MTMR12: variants seen among roughly 807,000 people sequenced by gnomAD.
MTMR12 encodes the protein myotubularin related protein 12.
In MTMR12, 33 loss-of-function variants were observed where a neutral mutation model predicts 96.7. The observed-to-expected ratio is 0.34, with a 90% CI of 0.26 to 0.46. The LOEUF is 0.46. Ranked by LOEUF, MTMR12 falls within the 20% of genes least tolerant of loss-of-function variation. The probability of loss-of-function intolerance (pLI) is 1.00; values close to 1 mark genes in which losing one functional copy is unlikely to be tolerated. For synonymous variants in MTMR12, 298 were observed against 327.2 expected (o/e 0.91, Z 0.96); for missense variants, 721 against 896.1 (o/e 0.80, Z 2.49).
At position 32,264,694 on chromosome 5, in the gene MTMR12, C is replaced by A. The variant is rs142227048; in HGVS notation, c.584-1452G>T. ...CAGGCTGGTCTTGAACTCCTGACCTCATGATCCACCCACCTCGGCCTCCCA... is the reference window on the plus strand; with the variant it reads ...CAGGCTGGTCTTGAACTCCTGACCTAATGATCCACCCACCTCGGCCTCCCA... On this transcript the variant is annotated intron_variant, in intron 6 of 15. Transcript: ENST00000382142. 5.3e-3 allele frequency among the ~76,000 whole-genome samples: 801 copies of A among 152,208 alleles called. 2 individuals carry two copies. Among genetic ancestry groups the A allele is most frequent in the African/African-American group, 0.018 (767 of 41,542 alleles).
chr5:32,296,479 CA>C, intron 1 of MTMR12: 34 of 364,120 alleles, frequency 9.3e-5, no homozygotes, highest in East Asian at 2.1e-4. Context: ...ACCTTGTCTC[CA>C]AAAAAAGAAA....
Position 32,229,635 on chromosome 5 carries a change from C to G in MTMR12, c.*143G>C. On this transcript the variant is annotated 3_prime_UTR_variant, in exon 16 of 16. Transcript: ENST00000382142. The stretch of plus-strand genomic sequence containing the variant: ...GAATCATGAAAAATAATGAGAGCCA[C>G]CTCTTTTCCCGAAGGCCCAGGTTTA... The G allele has an allele frequency of 1.5e-6, 1 of 646,176 alleles. No homozygotes were observed. Among genetic ancestry groups the G allele is most frequent in the Non-Finnish European group, 2.4e-6 (1 of 422,570 alleles). 40.0% of individuals were successfully genotyped at this position (646,176 alleles called of 1,614,324 possible). A position where few individuals can be genotyped will look rare whatever the true frequency, so the allele number is the denominator to read the frequency against.
intron 1 of MTMR12, among the ~76,000 whole-genome samples, chr5:32,289,117 G>A (rs1750651382): frequency 6.6e-6 from 1 of 152,208 alleles, no homozygotes; most frequent in African/African-American, 2.4e-5. Flanking sequence ...TCAAAGACAA[G>A]GTGTTCGTAG....
intron 1 of MTMR12, chr5:32,296,527 AT>A (rs1162965184): frequency 6.2e-6 from 2 of 324,336 alleles, no homozygotes. Context: ...GGGCATGGCG[AT>A]TTACACTTTG....
rs574736928 is a variant in MTMR12 at position 32,256,348 on chromosome 5, A to G, written c.714-580T>C. 2.0e-5 allele frequency among the ~76,000 whole-genome samples: 3 copies of G among 152,314 alleles called. No individual in the cohort carries two copies. In the South Asian group the frequency reaches 6.2e-4, roughly 32 times the overall value. On this transcript the variant is annotated intron_variant, in intron 7 of 15. Transcript: ENST00000382142. ...TCCCAACAATTCTATGAGATATGTA[A>G]TATTATTTCCATCTTACAGATAAAG...
intron 12 of MTMR12, among the ~76,000 whole-genome samples, chr5:32,239,884 T>G (rs750556793): frequency 6.6e-6 from 1 of 152,138 alleles, no homozygotes; most frequent in African/African-American, 2.4e-5. Context: ...CAAAACTCAT[T>G]TGATGAAAAG....
chr5:32,270,975 G>A (rs1039561581), intron 4 of MTMR12, 28 bp from the exon 5 acceptor site: 1 of 1,593,506 alleles, frequency 6.3e-7, no homozygotes, highest in Non-Finnish European at 8.5e-7. Flanking sequence ...AATCAGGAAG[G>A]GAAATTATGT....
Position 32,288,990 on chromosome 5 carries a change from TTGTCTC to T in MTMR12, c.82-12254_82-12249del, listed in dbSNP as rs553597805. Among the ~76,000 whole-genome samples the T allele has an allele frequency of 1.5e-3, 222 of 152,330 alleles. 2 individuals are homozygous for T. Among genetic ancestry groups the T allele is most frequent in the African/African-American group, 4.8e-3 (199 of 41,580 alleles). ...CATCTTTGAAGAGCCCTGTAATTGC[TTGTCTC>T]TGTATGTCAAATCTAACAGTGGGAA... On this transcript the variant is annotated intron_variant, in intron 1 of 15. Coordinates refer to ENST00000382142, the MANE Select transcript of MTMR12 (RefSeq NM_001040446.3).
chr5:32,247,949 T>A, intron 10 of MTMR12, 53 bp downstream of exon 10: 1 of 1,590,148 alleles, frequency 6.3e-7, no homozygotes, highest in Non-Finnish European at 8.6e-7. Flanking sequence ...CTGATCTGCA[T>A]GGCATGTCTT....
chr5:32,284,792 A>C (rs908802669), intron 1 of MTMR12, among the ~76,000 whole-genome samples: 15 of 152,236 alleles, frequency 9.9e-5, no homozygotes, highest in Admixed American at 3.3e-4. Context: ...GAAAAGGTAT[A>C]GTTCTTTAAT....
At chr5:32,292,315 T>TGGCACC (rs1186540966) in intron 1 of MTMR12, among the ~76,000 whole-genome samples, 1 of 152,150 alleles carries the variant, frequency 6.6e-6, no homozygotes, top group Non-Finnish European at 1.5e-5. Context: ...GAAGTGGAAG[T>TGGCACC]GGCACCACTC....
At chr5:32,246,555 G>A (rs758250712) in intron 10 of MTMR12, among the ~76,000 whole-genome samples, 8 of 152,176 alleles carry the variant, frequency 5.3e-5, no homozygotes, top group East Asian at 3.9e-4. Flanking sequence ...TTCTGCTGTC[G>A]GTCCTCTTCA....
intron 10 of MTMR12, among the ~76,000 whole-genome samples, chr5:32,244,554 G>A (rs993635396): frequency 6.6e-6 from 1 of 152,092 alleles, no homozygotes; most frequent in Non-Finnish European, 1.5e-5. Context: ...TCGCACCATT[G>A]CACTCCAGCC....
At chr5:32,284,870 A>G (rs1162249109) in intron 1 of MTMR12, among the ~76,000 whole-genome samples, 3 of 152,250 alleles carry the variant, frequency 2.0e-5, no homozygotes, top group Non-Finnish European at 4.4e-5. Context: ...TCTGAAAATT[A>G]TGGAAATTTT....
Position 32,228,912 on chromosome 5 carries a change from C to T in MTMR12, c.*866G>A, listed in dbSNP as rs540752525. On this transcript the variant is annotated 3_prime_UTR_variant, in exon 16 of 16. Coordinates refer to ENST00000382142, the MANE Select transcript of MTMR12 (RefSeq NM_001040446.3). The stretch of plus-strand genomic sequence containing the variant: ...GCTTCAGCAGGCAAGTAGAAAAAGG[C>T]GAAGCGATTTGTTCCAAACAAGGAG... 2.0e-5 allele frequency: 3 copies of T among 151,828 alleles called. No individual in the cohort carries two copies. Among genetic ancestry groups the T allele is most frequent in the Admixed American group, 1.3e-4 (2 of 15,188 alleles). 9.4% of individuals were successfully genotyped at this position (151,828 alleles called of 1,614,324 possible). A position where few individuals can be genotyped will look rare whatever the true frequency, so the allele number is the denominator to read the frequency against.
chr5:32,263,388 C>T, intron 6 of MTMR12, 146 bp from the exon 7 acceptor site: 1 of 964,004 alleles, frequency 1.0e-6, no homozygotes, highest in Non-Finnish European at 1.5e-6. Context: ...TAATCCTAAC[C>T]TTGTTCCATT....
intron 3 of MTMR12, 60 bp downstream of exon 3, chr5:32,273,920 A>G: frequency 6.2e-7 from 1 of 1,601,132 alleles, no homozygotes; most frequent in South Asian, 1.1e-5. Flanking sequence ...GGAAAAAAAG[A>G]CAACGGAACC....
intron 7 of MTMR12, among the ~76,000 whole-genome samples, chr5:32,260,403 GAAAC>G (rs1561768429): frequency 6.6e-6 from 1 of 151,666 alleles, no homozygotes; most frequent in African/African-American, 2.4e-5. Context: ...GGTCTGGAGT[GAAAC>G]AAACCACAGC....
chr5:32,292,423 C>G (rs146828729), intron 1 of MTMR12, among the ~76,000 whole-genome samples: 4 of 152,210 alleles, frequency 2.6e-5, no homozygotes, highest in African/African-American at 9.6e-5. Flanking sequence ...GAGGGAGGAA[C>G]GCTGCCACCA....
Sources: gnomAD v4.1 joint callset for allele counts (sites outside exome capture counted in the v4.1 genomes callset) on GRCh38, gnomAD v4.1.1 for gene constraint, MANE v1.5 for transcripts, NCBI Gene and HGNC (gene_info 2026-07-23, HGNC 2026-07-21) for gene names.